KDM4B: variants seen among roughly 807,000 people sequenced by gnomAD.
The protein encoded by KDM4B is lysine-specific demethylase 4B.
A neutral mutation model predicts 125.2 loss-of-function variants in KDM4B; 32 were observed. That is an observed-to-expected ratio of 0.26 (90% CI 0.19 to 0.34). The LOEUF is 0.34. Ranked by LOEUF, KDM4B falls within the 10% of genes least tolerant of loss-of-function variation. KDM4B has a pLI of 1.00. For missense variants in KDM4B, 1,190 were observed against 1,577.7 expected, an observed-to-expected ratio of 0.75 and a Z score of 4.16; for synonymous variants, 721 against 677.9, an observed-to-expected ratio of 1.06 and a Z score of -0.99.
chr19:5,094,077 C>T (rs973545516), intron 9 of KDM4B, among the ~76,000 whole-genome samples: 2 of 152,242 alleles, frequency 1.3e-5, no homozygotes, highest in Admixed American at 6.5e-5. Context: ...TGGCCGAGAT[C>T]TCAGGGCTGC....
At chr19:5,071,158 C>A in intron 7 of KDM4B, 99 bp downstream of exon 7, 1 of 1,176,906 alleles carries the variant, frequency 8.5e-7, no homozygotes, top group South Asian at 1.3e-5. Context: ...CTGCTGCGGT[C>A]TGGGTTTGGG....
chr19:5,096,676 G>GATTTGCCTTAA, intron 9 of KDM4B, among the ~76,000 whole-genome samples: 1 of 151,574 alleles, frequency 6.6e-6, no homozygotes, highest in African/African-American at 2.4e-5. Context: ...GTGTCCCGCG[G>GATTTGCCTTAA]TGCCCCCGGC....
intron 1 of KDM4B, among the ~76,000 whole-genome samples, chr19:4,979,044 A>G (rs544476469): frequency 5.3e-5 from 8 of 152,170 alleles, no homozygotes; most frequent in Admixed American, 2.0e-4. Context: ...GCACTGTGGG[A>G]GGCTGAGGTG....
At position 5,015,013 on chromosome 19, in the gene KDM4B, A is replaced by G. The variant is rs548709844; in HGVS notation, c.-108-1244A>G. Among the ~76,000 whole-genome samples the G allele has an allele frequency of 2.0e-5, 3 of 150,700 alleles. No homozygotes were observed. In the South Asian group the frequency reaches 6.3e-4, roughly 32 times the overall value. The stretch of plus-strand genomic sequence containing the variant: ...CCGTCTCAAAAAAAAAAAAAAAAGT[A>G]CAACAAAACCAGGGCCCCAGGGGGC... On this transcript the variant is annotated intron_variant, in intron 1 of 22. Coordinates refer to ENST00000159111, the MANE Select transcript of KDM4B (RefSeq NM_015015.3).
chr19:5,124,551 G>A (rs2039417460), intron 11 of KDM4B, among the ~76,000 whole-genome samples: 1 of 152,196 alleles, frequency 6.6e-6, no homozygotes, highest in South Asian at 2.1e-4. Context: ...ACCAGCTCCT[G>A]TGACTTGTTT....
chr19:5,051,249 C>A (rs1356273157), intron 6 of KDM4B, among the ~76,000 whole-genome samples: 1 of 152,244 alleles, frequency 6.6e-6, no homozygotes, highest in Non-Finnish European at 1.5e-5. Context: ...TTGTGCTGTG[C>A]ACCCCAAAGA....
rs532323684 is a variant in KDM4B, at chr19:5,151,476, C to T, written c.3256C>T (p.Leu1086=). The T allele has an allele frequency of 1.1e-5, 16 of 1,505,216 alleles. No homozygotes were observed. Among genetic ancestry groups the T allele is most frequent in the South Asian group, 7.4e-5 (6 of 80,900 alleles). 93.2% of individuals were successfully genotyped at this position (1,505,216 alleles called of 1,614,324 possible). ...QDYVAFVESL[L]QVQGRPGAPF Reference sequence around the variant, plus strand: ...CTACGTGGCCTTCGTGGAGAGCCTCCTGCAGGTGCAGGGCCGGCCCGGAGC... The same window carrying T: ...CTACGTGGCCTTCGTGGAGAGCCTCTTGCAGGTGCAGGGCCGGCCCGGAGC... The change falls in exon 23 of 23, where the codon CTG becomes TTG. Residue 1086 remains leucine, a synonymous_variant. Transcript: ENST00000159111.
rs781467169 is a variant in KDM4B at position 5,041,177 on chromosome 19, C to T, written c.358C>T (p.Arg120Cys). 4.3e-6 allele frequency: 7 copies of T among 1,613,078 alleles called. No homozygotes were observed. Among genetic ancestry groups the T allele is most frequent in the Admixed American group, 1.7e-5 (1 of 59,992 alleles). Residue 120 changes from arginine (R) to cysteine (C), a missense_variant, in exon 5 of 23, where the codon CGC becomes TGC. By Grantham distance (180) the Arg-to-Cys change is radical. This residue lies in a region of KDM4B where 139 missense variants were observed against 248.3 expected (regional missense o/e 0.56). Coordinates refer to ENST00000159111, the MANE Select transcript of KDM4B (RefSeq NM_015015.3). ...PRHQDFDDLE[R>C]KYWKNLTFVS... ...GCACCAGGACTTTGATGACCTTGAACGCAAATACTGGAAGAACCTCACCTT... is the reference window on the plus strand; with the variant it reads ...GCACCAGGACTTTGATGACCTTGAATGCAAATACTGGAAGAACCTCACCTT...
intron 9 of KDM4B, among the ~76,000 whole-genome samples, chr19:5,108,295 A>G (rs1459331411): frequency 1.3e-5 from 2 of 151,984 alleles, no homozygotes; most frequent in African/African-American, 4.8e-5. Context: ...TGTTCCTGCC[A>G]CTCCATGGCC....
intron 9 of KDM4B, among the ~76,000 whole-genome samples, chr19:5,109,577 C>T (rs913768954): frequency 1.3e-5 from 2 of 152,222 alleles, no homozygotes; most frequent in African/African-American, 4.8e-5. Context: ...AAGGGGCCAT[C>T]CTATTGGGTG....
intron 1 of KDM4B, among the ~76,000 whole-genome samples, chr19:5,003,436 G>A (rs530580954): frequency 6.6e-6 from 1 of 152,178 alleles, no homozygotes; most frequent in Admixed American, 6.5e-5. Context: ...AGCCAAGATC[G>A]TGCCATTGCA....
rs2039952675 is a variant in KDM4B at position 5,151,735 on chromosome 19, C to G, written c.*224C>G. On this transcript the variant is annotated 3_prime_UTR_variant, in exon 23 of 23. Transcript: ENST00000159111. The stretch of plus-strand genomic sequence containing the variant: ...TCGGGGGCCGGCCAGGGGAGCACCC[C>G]ACTCAACTACTCAGAATTTTAAACC... 2.5e-6 allele frequency: 1 copy of G among 394,560 alleles called. No homozygotes were observed. Among genetic ancestry groups the G allele is most frequent in the Non-Finnish European group, 4.5e-6 (1 of 224,052 alleles). The allele number at this position is 394,560 out of a possible 1,614,324, so 24.4% of individuals were successfully genotyped here.
At chr19:5,090,361 T>TCC (rs869199676) in intron 9 of KDM4B, among the ~76,000 whole-genome samples, 2 of 105,598 alleles carry the variant, frequency 1.9e-5, no homozygotes, top group African/African-American at 7.1e-5. Flanking sequence ...TCTCTCTCTC[T>TCC]CCTCATCTCT....
intron 1 of KDM4B, among the ~76,000 whole-genome samples, chr19:4,978,793 G>C (rs775931651): frequency 6.6e-6 from 1 of 152,220 alleles, no homozygotes; most frequent in Non-Finnish European, 1.5e-5. Context: ...AGGCTGGTGC[G>C]TGGTCACTGG....
intron 22 of KDM4B, 61 bp from the exon 23 acceptor site, chr19:5,151,274 T>C: frequency 3.7e-6 from 5 of 1,340,126 alleles, no homozygotes; most frequent in Non-Finnish European, 3.9e-6. Flanking sequence ...CCATAGACAG[T>C]GGCTGGGGCC....
Position 5,152,931 on chromosome 19 carries a change from A to C in KDM4B, c.*1420A>C, listed in dbSNP as rs1236456369. ...TGTGGTGGTGCGCACCTGTGGTCCC[A>C]GCTACTCGGGAGGCTGTGGTGGGAG... On this transcript the variant is annotated 3_prime_UTR_variant, in exon 23 of 23. Transcript: ENST00000159111. 2 of 152,430 alleles carry C rather than the reference A, an allele frequency of 1.3e-5. No homozygotes were observed. The highest frequency in any genetic ancestry group is 2.9e-5 in the Non-Finnish European group (2 of 68,268). 9.4% of individuals were successfully genotyped at this position (152,430 alleles called of 1,614,324 possible). A position where few individuals can be genotyped will look rare whatever the true frequency, so the allele number is the denominator to read the frequency against.
intron 1 of KDM4B, among the ~76,000 whole-genome samples, chr19:5,005,105 C>T (rs1454864858): frequency 6.6e-6 from 1 of 152,222 alleles, no homozygotes; most frequent in Non-Finnish European, 1.5e-5. Flanking sequence ...CCCAGGGATC[C>T]AGCACAAAGC....
chr19:5,126,119 G>A (rs937055862), intron 11 of KDM4B, among the ~76,000 whole-genome samples: 2 of 152,160 alleles, frequency 1.3e-5, no homozygotes, highest in African/African-American at 4.8e-5. Flanking sequence ...TTTTCATATG[G>A]AACAAGCTGG....
chr19:5,137,418 G>A lies in KDM4B; in HGVS notation c.2385+80G>A, dbSNP rs117745560. The stretch of plus-strand genomic sequence containing the variant: ...CACTCCAGTGGGGTGACTTTGGGGC[G>A]TAGTCTCCCCTCCGTGGGCCTGGGT... On this transcript the variant is annotated intron_variant, in intron 16 of 22. Transcript: ENST00000159111. 1,316 of 1,368,960 alleles carry A rather than the reference G, an allele frequency of 9.6e-4. 29 individuals are homozygous for A. The East Asian group carries it at 0.027, about 28-fold the overall frequency. 84.8% of individuals were successfully genotyped at this position (1,368,960 alleles called of 1,614,324 possible). A position where few individuals can be genotyped will look rare whatever the true frequency, so the allele number is the denominator to read the frequency against.
Sources: gnomAD v4.1 joint callset for allele counts (sites outside exome capture counted in the v4.1 genomes callset) on GRCh38, gnomAD v4.1.1 for gene constraint, gnomAD v4.1.1 regional missense constraint, MANE v1.5 for transcripts, NCBI Gene and HGNC (gene_info 2026-07-23, HGNC 2026-07-21) for gene names.